VTI1A: variants seen among roughly 807,000 people sequenced by gnomAD.
VTI1A encodes the protein vesicle transport through interaction with t-SNAREs homolog 1A.
Under a neutral mutation model 34.9 loss-of-function variants are expected in VTI1A, and 22 were observed. The observed-to-expected ratio is 0.63, with a 90% CI of 0.45 to 0.90. The LOEUF (loss-of-function observed/expected upper bound fraction) is 0.90. VTI1A is among the 40% of genes least tolerant of loss of function. The pLI is 0.00. For missense variants in VTI1A, 268 were observed against 275.6 expected (o/e 0.97, Z 0.20); for synonymous variants, 87 against 97.3 (o/e 0.89, Z 0.62).
rs191790266 is a variant in VTI1A at position 112,534,811 on chromosome 10, T to C, written c.343-3435T>C. On this transcript the variant is annotated intron_variant, in intron 4 of 7. Coordinates refer to ENST00000393077, the MANE Select transcript of VTI1A (RefSeq NM_145206.4). ...ACATAAATATTATTTTTCTGCAAGA[T>C]AGAGTATGTGCTTGTTGTATTTGCA... Among the ~76,000 whole-genome samples, 16 of 152,306 alleles carry C rather than the reference T, an allele frequency of 1.1e-4. No homozygotes were observed. The East Asian group carries it at 2.1e-3, about 20-fold the overall frequency.
intron 7 of VTI1A, among the ~76,000 whole-genome samples, chr10:112,733,765 T>TTTATG (rs1221940623): frequency 1.6e-4 from 24 of 149,704 alleles, no homozygotes; most frequent in Admixed American, 1.3e-3. Flanking sequence ...TTTATTTTAT[T>TTTATG]TTATTTTAAG....
the VTI1A span, chr10:112,832,123 T>A: frequency 2.0e-5 from 3 of 152,210 alleles, no homozygotes; most frequent in African/African-American, 7.2e-5. Context: ...CTGTTTGATG[T>A]GTTCTAGACA....
chr10:112,844,973 C>T, the VTI1A span, among the ~76,000 whole-genome samples: 3 of 152,142 alleles, frequency 2.0e-5, no homozygotes, highest in East Asian at 3.9e-4. Flanking sequence ...GAATAGGAAC[C>T]CTTCTGTTCC....
At chr10:112,822,590 A>T (rs1315190916), downstream of VTI1A, among the ~76,000 whole-genome samples, 1 of 152,182 alleles carries the variant, frequency 6.6e-6, no homozygotes, top group Non-Finnish European at 1.5e-5. Context: ...ACACTGCCAC[A>T]TCCAGGGGTC....
intron 5 of VTI1A, among the ~76,000 whole-genome samples, chr10:112,619,178 C>T (rs1433086251): frequency 1.3e-5 from 2 of 151,028 alleles, no homozygotes; most frequent in Non-Finnish European, 2.9e-5. Context: ...CAGCTGACTT[C>T]ATGATTGAAG....
chr10:112,501,875 A>T (rs1849254789), intron 3 of VTI1A, among the ~76,000 whole-genome samples: 1 of 152,092 alleles, frequency 6.6e-6, no homozygotes. Flanking sequence ...TTTAAAGTTG[A>T]CATTTACTTC....
intron 7 of VTI1A, among the ~76,000 whole-genome samples, chr10:112,717,509 CG>C (rs1434247906): frequency 6.6e-6 from 1 of 152,020 alleles, no homozygotes; most frequent in African/African-American, 2.4e-5. Flanking sequence ...TGGAGTAGCT[CG>C]GGACTGGCTG....
At chr10:112,511,656 G>C (rs201121735) in intron 3 of VTI1A, among the ~76,000 whole-genome samples, 2 of 152,088 alleles carry the variant, frequency 1.3e-5, no homozygotes, top group East Asian at 3.9e-4. Flanking sequence ...TGTTGAATTT[G>C]TTCCATCTTA....
At chr10:112,488,827 G>A (rs79041805) in intron 3 of VTI1A, among the ~76,000 whole-genome samples, 11,433 of 152,170 alleles carry the variant, frequency 0.075, 495 homozygotes, top group Middle Eastern at 0.13. Context: ...CACTGTTGGG[G>A]AATGCAAGCC....
At chr10:112,680,667 C>T (rs897052013) in intron 7 of VTI1A, among the ~76,000 whole-genome samples, 1 of 152,120 alleles carries the variant, frequency 6.6e-6, no homozygotes, top group Non-Finnish European at 1.5e-5. Flanking sequence ...TAAGAAACAA[C>T]AATACATAGT....
the VTI1A span, among the ~76,000 whole-genome samples, chr10:112,850,207 C>A: frequency 1.8e-4 from 27 of 152,058 alleles, no homozygotes. Context: ...TAGAGCACGG[C>A]CTATTATTAC....
At chr10:112,544,192 G>A (rs1430702599) in intron 5 of VTI1A, among the ~76,000 whole-genome samples, 1 of 152,164 alleles carries the variant, frequency 6.6e-6, no homozygotes, top group African/African-American at 2.4e-5. Flanking sequence ...GAACTTTAAA[G>A]TAGTTTTTTC....
chr10:112,576,396 C>T (rs1021122674), intron 5 of VTI1A, among the ~76,000 whole-genome samples: 2 of 152,170 alleles, frequency 1.3e-5, no homozygotes, highest in Non-Finnish European at 2.9e-5. Context: ...ATCATTAGAT[C>T]GTTTCTAAGT....
chr10:112,849,855 C>T, the VTI1A span, among the ~76,000 whole-genome samples: 3 of 152,090 alleles, frequency 2.0e-5, no homozygotes, highest in Non-Finnish European at 4.4e-5. Flanking sequence ...GAAATGTGCC[C>T]ACAGAAAAAG....
the VTI1A span, chr10:112,826,497 CA>C: frequency 1.4e-4 from 22 of 152,280 alleles, no homozygotes; most frequent in Admixed American, 1.4e-3. Flanking sequence ...GGAATCCCAG[CA>C]AGTTGTGAAA....
chr10:112,751,355 C>A (rs1276367563), intron 7 of VTI1A, among the ~76,000 whole-genome samples: 2 of 151,932 alleles, frequency 1.3e-5, no homozygotes, highest in African/African-American at 4.8e-5. Context: ...AGTAGACCAC[C>A]GCCATTTCTG....
chr10:112,498,075 G>T (rs888206291), intron 3 of VTI1A, among the ~76,000 whole-genome samples: 4 of 151,934 alleles, frequency 2.6e-5, no homozygotes, highest in South Asian at 4.2e-4. Flanking sequence ...ATGTTCTTTG[G>T]TATGACCTTT....
At chr10:112,804,259 A>G (rs931113050) in intron 7 of VTI1A, among the ~76,000 whole-genome samples, 2 of 152,164 alleles carry the variant, frequency 1.3e-5, no homozygotes, top group Non-Finnish European at 2.9e-5. Flanking sequence ...TGAGGCCCAG[A>G]TGGATACCAG....
chr10:112,681,700 A>G (rs1274227984), intron 7 of VTI1A, among the ~76,000 whole-genome samples: 1 of 152,196 alleles, frequency 6.6e-6, no homozygotes, highest in African/African-American at 2.4e-5. Context: ...CTTGACTAAA[A>G]TTACATATTT....
Sources: allele counts gnomAD v4.1 joint callset (sites outside exome capture counted in the v4.1 genomes callset), GRCh38; gene constraint gnomAD v4.1.1; transcripts MANE v1.5; gene names NCBI Gene and HGNC (gene_info 2026-07-23, HGNC 2026-07-21).